The following GRID2 variants were observed in gnomAD, a reference collection of about 807,000 sequenced individuals.
The protein encoded by GRID2 is glutamate receptor ionotropic, delta-2.
GRID2 carries 33 observed loss-of-function variants against 114.8 expected under a neutral mutation model. That is an observed-to-expected ratio of 0.29 (90% CI 0.22 to 0.38). GRID2 has a LOEUF of 0.38. GRID2 is among the 10% of genes least tolerant of loss of function. GRID2 has a pLI of 1.00. For missense variants in GRID2, 1,184 were observed against 1,257.7 expected, an observed-to-expected ratio of 0.94 and a Z score of 0.89; for synonymous variants, 505 against 449.9, an observed-to-expected ratio of 1.12 and a Z score of -1.55.
At chr4:93,656,996 A>G (rs952693076) in intron 14 of GRID2, among the ~76,000 whole-genome samples, 3 of 151,908 alleles carry the variant, frequency 2.0e-5, no homozygotes, top group Admixed American at 2.0e-4. Flanking sequence ...GTGTGATAAG[A>G]TGGTTTACTG....
chr4:93,737,069 A>T (rs1480173969), intron 14 of GRID2, among the ~76,000 whole-genome samples: 1 of 152,012 alleles, frequency 6.6e-6, no homozygotes, highest in African/African-American at 2.4e-5. Context: ...TCAGCAGCTA[A>T]TGATTTTTAG....
chr4:93,203,146 C>G (rs548924686), intron 4 of GRID2, among the ~76,000 whole-genome samples: 2 of 152,148 alleles, frequency 1.3e-5, no homozygotes, highest in East Asian at 3.9e-4. Context: ...GGCTTTTTAA[C>G]ATTGCTTTAT....
intron 1 of GRID2, among the ~76,000 whole-genome samples, chr4:92,476,876 T>C (rs1185474380): frequency 6.6e-6 from 1 of 152,162 alleles, no homozygotes; most frequent in East Asian, 1.9e-4. Context: ...AATGTGACTT[T>C]TCTATCTTTA....
chr4:92,647,167 C>A (rs994007522), intron 2 of GRID2, among the ~76,000 whole-genome samples: 1 of 152,166 alleles, frequency 6.6e-6, no homozygotes, highest in Non-Finnish European at 1.5e-5. Context: ...TTGTGTATCT[C>A]CTTGTTTATA....
At chr4:93,404,954 T>C (rs988021193) in intron 9 of GRID2, among the ~76,000 whole-genome samples, 2 of 152,144 alleles carry the variant, frequency 1.3e-5, no homozygotes, top group African/African-American at 2.4e-5. Flanking sequence ...CTTCTCTTTT[T>C]TAAGAGTTCC....
At chr4:92,600,116 T>C (rs1315666078) in intron 2 of GRID2, among the ~76,000 whole-genome samples, 6 of 137,014 alleles carry the variant, frequency 4.4e-5, no homozygotes, top group African/African-American at 1.6e-4. Flanking sequence ...TAGGGGAGGG[T>C]GTAGGTGGGG....
intron 1 of GRID2, among the ~76,000 whole-genome samples, chr4:92,388,147 A>G (rs1030900555): frequency 3.3e-5 from 5 of 152,036 alleles, no homozygotes; most frequent in African/African-American, 7.2e-5. Context: ...AAAGGGGTCA[A>G]TTTTTCTCCG....
At chr4:93,743,736 A>C (rs1426134551) in intron 14 of GRID2, among the ~76,000 whole-genome samples, 1 of 152,244 alleles carries the variant, frequency 6.6e-6, no homozygotes, top group Non-Finnish European at 1.5e-5. Context: ...GAATCTGTCA[A>C]GATAACACAA....
intron 2 of GRID2, among the ~76,000 whole-genome samples, chr4:92,708,100 A>G (rs1354648957): frequency 6.6e-6 from 1 of 152,170 alleles, no homozygotes; most frequent in East Asian, 1.9e-4. Flanking sequence ...TTGGGAAGAA[A>G]GGTGCCCATG....
intron 2 of GRID2, among the ~76,000 whole-genome samples, chr4:92,603,865 G>A (rs1218572334): frequency 6.6e-6 from 1 of 151,906 alleles, no homozygotes; most frequent in South Asian, 2.1e-4. Flanking sequence ...TTAAAAAGTA[G>A]TCAAATGACA....
intron 8 of GRID2, among the ~76,000 whole-genome samples, chr4:93,338,564 T>C (rs964684997): frequency 2.0e-5 from 3 of 152,206 alleles, no homozygotes; most frequent in African/African-American, 7.2e-5. Flanking sequence ...ATTTTGTATT[T>C]ATAAAGTTTT....
At chr4:93,387,723 G>A (rs555925462) in intron 8 of GRID2, among the ~76,000 whole-genome samples, 3 of 151,564 alleles carry the variant, frequency 2.0e-5, no homozygotes, top group African/African-American at 7.3e-5. Context: ...CCAACTACTC[G>A]GCAGGCTGAG....
chr4:93,454,321 T>C (rs1331307407), intron 10 of GRID2, among the ~76,000 whole-genome samples: 1 of 152,014 alleles, frequency 6.6e-6, no homozygotes, highest in Non-Finnish European at 1.5e-5. Context: ...ATAGCTGCAA[T>C]ATGGTAAAAT....
chr4:93,215,575 C>T lies in GRID2; in HGVS notation c.790-1163C>T, dbSNP rs57577000. Reference sequence around the variant, plus strand: ...ACTGAGAAAAACCATTTTTATGGAACATTAAGGATTGATTAAATGCCCAGA... The same window carrying T: ...ACTGAGAAAAACCATTTTTATGGAATATTAAGGATTGATTAAATGCCCAGA... On this transcript the variant is annotated intron_variant, in intron 5 of 15. Transcript: ENST00000282020. 7.8e-3 allele frequency among the ~76,000 whole-genome samples: 1,187 copies of T among 152,028 alleles called. 13 individuals are homozygous for T. The highest frequency in any genetic ancestry group is 0.027 in the African/African-American group (1,121 of 41,528).
intron 2 of GRID2, among the ~76,000 whole-genome samples, chr4:92,646,888 C>CTTTTTTTTTT (rs33921659): frequency 7.1e-5 from 4 of 56,134 alleles, no homozygotes; most frequent in Non-Finnish European, 7.8e-5. Flanking sequence ...TCTTTGAATT[C>CTTTTTTTTTT]TTTTTTTTTT....
chr4:93,727,418 G>A (rs1730027883), intron 14 of GRID2, among the ~76,000 whole-genome samples: 1 of 152,152 alleles, frequency 6.6e-6, no homozygotes, highest in Admixed American at 6.5e-5. Flanking sequence ...TTGCATCAAT[G>A]TTCATCGAGG....
At chr4:93,476,444 T>C (rs1725328380) in intron 11 of GRID2, among the ~76,000 whole-genome samples, 1 of 152,144 alleles carries the variant, frequency 6.6e-6, no homozygotes, top group South Asian at 2.1e-4. Context: ...CAATTGAATT[T>C]CTAAACTTTC....
At chr4:93,163,581 A>G (rs1002409694) in intron 4 of GRID2, among the ~76,000 whole-genome samples, 1 of 150,210 alleles carries the variant, frequency 6.7e-6, no homozygotes, top group African/African-American at 2.4e-5. Flanking sequence ...TTTTTTAATA[A>G]CAAGAAAAAA....
At chr4:93,137,982 T>C (rs796513635) in intron 4 of GRID2, among the ~76,000 whole-genome samples, 6,974 of 141,914 alleles carry the variant, frequency 0.049, 357 homozygotes, top group African/African-American at 0.16. Context: ...TTTTTTTTTT[T>C]TTTTTTTTGA....
Sources: gnomAD v4.1 joint callset for allele counts (sites outside exome capture counted in the v4.1 genomes callset) on GRCh38, gnomAD v4.1.1 for gene constraint, MANE v1.5 for transcripts, NCBI Gene and HGNC (gene_info 2026-07-23, HGNC 2026-07-21) for gene names.